GRIK2: variants seen among roughly 807,000 people sequenced by gnomAD.
GRIK2 encodes the protein glutamate ionotropic receptor kainate type subunit 2.
In GRIK2, 32 loss-of-function variants were observed where a neutral mutation model predicts 100.3. That is an observed-to-expected ratio of 0.32 (90% CI 0.24 to 0.43). The LOEUF (loss-of-function observed/expected upper bound fraction) is 0.43, where lower values mean the gene tolerates loss of function less well. Among genes scored for constraint, GRIK2 ranks in the 20% least tolerant of loss-of-function variants. GRIK2 has a pLI of 1.00. For missense variants in GRIK2, 843 were observed against 1,114.9 expected, an observed-to-expected ratio of 0.76 and a Z score of 3.47; for synonymous variants, 417 against 389.4, an observed-to-expected ratio of 1.07 and a Z score of -0.83.
intron 14 of GRIK2, among the ~76,000 whole-genome samples, chr6:101,942,961 A>C (rs963104794): frequency 6.6e-6 from 1 of 152,188 alleles, no homozygotes; most frequent in Non-Finnish European, 1.5e-5. Context: ...AAATGTCTCC[A>C]AGGCATTTCA....
chr6:101,505,776 G>GAAAAAAAAAAAAAAAAAAAAAAAAAAAA (rs35632931), intron 2 of GRIK2, among the ~76,000 whole-genome samples: 1 of 113,316 alleles, frequency 8.8e-6, no homozygotes. Flanking sequence ...GAAGAAATTA[G>GAAAAAAAAAAAAAAAAAAAAAAAAAAAA]AAAAAAAAAA....
intron 2 of GRIK2, among the ~76,000 whole-genome samples, chr6:101,548,404 G>C (rs930912272): frequency 5.9e-5 from 9 of 152,266 alleles, no homozygotes; most frequent in South Asian, 2.1e-4. Flanking sequence ...CCATGCCTAT[G>C]TCCTGAATGG....
At chr6:101,502,072 TC>T (rs1449297452) in intron 2 of GRIK2, among the ~76,000 whole-genome samples, 1 of 152,188 alleles carries the variant, frequency 6.6e-6, no homozygotes, top group Non-Finnish European at 1.5e-5. Context: ...AGTTTTCTCA[TC>T]TGTAATATTG....
intron 2 of GRIK2, among the ~76,000 whole-genome samples, chr6:101,508,467 C>T (rs1374963544): frequency 3.4e-5 from 5 of 147,714 alleles, no homozygotes; most frequent in Non-Finnish European, 7.5e-5. Flanking sequence ...TAAAGCAAAG[C>T]TTAATATAAC....
intron 10 of GRIK2, among the ~76,000 whole-genome samples, chr6:101,825,854 A>G (rs1036751003): frequency 2.6e-5 from 4 of 152,102 alleles, no homozygotes; most frequent in African/African-American, 9.7e-5. Flanking sequence ...TGTTATCACA[A>G]TAGGACCATA....
At chr6:101,743,078 A>G (rs1046222982) in intron 7 of GRIK2, among the ~76,000 whole-genome samples, 4 of 152,128 alleles carry the variant, frequency 2.6e-5, no homozygotes, top group Non-Finnish European at 5.9e-5. Flanking sequence ...ACAAAATGGT[A>G]TTTGTTAGCA....
intron 10 of GRIK2, among the ~76,000 whole-genome samples, chr6:101,828,105 T>C (rs1037391567): frequency 6.6e-6 from 1 of 151,886 alleles, no homozygotes; most frequent in Non-Finnish European, 1.5e-5. Context: ...AGAATAAAAA[T>C]AGAAAGCAAC....
Position 101,927,319 on chromosome 6 carries a change from T to C in GRIK2, c.1868-1096T>C, listed in dbSNP as rs534363976. Reference sequence around the variant, plus strand: ...TGTGTTACCTTACTGCATCAGAGATTATACTAAAGATATGACTGTAAGTCC... The same window carrying C: ...TGTGTTACCTTACTGCATCAGAGATCATACTAAAGATATGACTGTAAGTCC... On this transcript the variant is annotated intron_variant, in intron 13 of 16. Transcript: ENST00000369134. 13 of 753,120 alleles carry C rather than the reference T, an allele frequency of 1.7e-5. No homozygotes were observed. In the South Asian group the frequency reaches 7.2e-4, roughly 42 times the overall value. The allele number at this position is 753,120 out of a possible 1,614,324, so 46.7% of individuals were successfully genotyped here.
At chr6:101,666,644 C>A (rs1445632943) in intron 4 of GRIK2, among the ~76,000 whole-genome samples, 1 of 152,216 alleles carries the variant, frequency 6.6e-6, no homozygotes, top group Non-Finnish European at 1.5e-5. Flanking sequence ...AAAATTAATT[C>A]TTTATTACAC....
intron 2 of GRIK2, among the ~76,000 whole-genome samples, chr6:101,532,882 T>A (rs1775511864): frequency 6.6e-6 from 1 of 151,802 alleles, no homozygotes; most frequent in South Asian, 2.1e-4. Flanking sequence ...GACTTTGTCT[T>A]ACACATTTTT....
At chr6:101,802,160 T>C (rs1056381703) in intron 8 of GRIK2, among the ~76,000 whole-genome samples, 171 bp from the exon 9 acceptor site, 1 of 151,878 alleles carries the variant, frequency 6.6e-6, no homozygotes, top group African/African-American at 2.4e-5. Context: ...GAAACTAGGA[T>C]AATTTATGTA....
At chr6:101,900,874 T>C (rs1387664998) in intron 12 of GRIK2, among the ~76,000 whole-genome samples, 1 of 152,020 alleles carries the variant, frequency 6.6e-6, no homozygotes. Flanking sequence ...CAAGTCCTTG[T>C]TGATAACATC....
intron 2 of GRIK2, among the ~76,000 whole-genome samples, chr6:101,446,062 C>T (rs902231634): frequency 6.6e-6 from 1 of 151,954 alleles, no homozygotes; most frequent in South Asian, 2.1e-4. Context: ...TTAAATACTA[C>T]TTTCTTCTGT....
At chr6:102,012,302 C>A (rs1490372434) in intron 14 of GRIK2, among the ~76,000 whole-genome samples, 3 of 151,962 alleles carry the variant, frequency 2.0e-5, no homozygotes, top group Non-Finnish European at 2.9e-5. Flanking sequence ...TTGTTCTTCC[C>A]TTTTTTTATT....
intron 2 of GRIK2, among the ~76,000 whole-genome samples, chr6:101,413,824 C>T (rs1775987922): frequency 6.6e-6 from 1 of 151,922 alleles, no homozygotes; most frequent in Admixed American, 6.6e-5. Flanking sequence ...ATATACACAA[C>T]TATTATATTT....
At chr6:101,661,762 C>A (rs1006055085) in intron 4 of GRIK2, among the ~76,000 whole-genome samples, 1 of 152,056 alleles carries the variant, frequency 6.6e-6, no homozygotes, top group Non-Finnish European at 1.5e-5. Flanking sequence ...CCGTGTGAGG[C>A]GATGCCCCAC....
chr6:102,035,623 AG>A, intron 15 of GRIK2, 57 bp downstream of exon 15: 1 of 1,048,492 alleles, frequency 9.5e-7, no homozygotes, highest in Non-Finnish European at 1.5e-6. Context: ...GCTGTAAGAC[AG>A]GGGAAAAATA....
At chr6:101,859,863 G>A (rs1004386911) in intron 11 of GRIK2, among the ~76,000 whole-genome samples, 2 of 152,166 alleles carry the variant, frequency 1.3e-5, no homozygotes, top group Non-Finnish European at 2.9e-5. Context: ...CAGAGAGGGA[G>A]AAATGACCTA....
rs185586793 is a variant in GRIK2 at position 101,466,548 on chromosome 6, A to G, written c.115+67156A>G. The stretch of plus-strand genomic sequence containing the variant: ...GAAAACATATTTGTTAGCTACTTCG[A>G]AATATTAACAACAAAGCTGGCACTC... On this transcript the variant is annotated intron_variant, in intron 2 of 16. Transcript: ENST00000369134. 3.3e-3 allele frequency among the ~76,000 whole-genome samples: 506 copies of G among 152,132 alleles called. 1 individual carries two copies. The highest frequency in any genetic ancestry group is 0.017 in the Middle Eastern group (5 of 292).
Sources: gnomAD v4.1 joint callset for allele counts (sites outside exome capture counted in the v4.1 genomes callset) on GRCh38, gnomAD v4.1.1 for gene constraint, MANE v1.5 for transcripts, NCBI Gene and HGNC (gene_info 2026-07-23, HGNC 2026-07-21) for gene names.